Variants in ADAMTSL1 observed in about 807,000 individuals in gnomAD.
The protein encoded by ADAMTSL1 is ADAMTS like 1.
Under a neutral mutation model 201.8 loss-of-function variants are expected in ADAMTSL1, and 126 were observed. That is an observed-to-expected ratio of 0.62 (90% CI 0.54 to 0.72). ADAMTSL1 has a LOEUF of 0.72. Among genes scored for constraint, ADAMTSL1 ranks in the 30% least tolerant of loss-of-function variants. The pLI is 0.00. For synonymous variants in ADAMTSL1, 1,121 were observed against 903.4 expected (o/e 1.24, Z -4.32); for missense variants, 2,679 against 2,277.8 (o/e 1.18, Z -3.59).
chr9:18,511,391 T>C (rs919090678), intron 2 of ADAMTSL1, among the ~76,000 whole-genome samples: 4 of 151,970 alleles, frequency 2.6e-5, no homozygotes, highest in Non-Finnish European at 1.5e-5. Context: ...GATCTTCTTA[T>C]GAAGGATGGC....
chr9:18,590,341 C>A (rs1227364537), intron 4 of ADAMTSL1, among the ~76,000 whole-genome samples: 1 of 151,982 alleles, frequency 6.6e-6, no homozygotes, highest in Non-Finnish European at 1.5e-5. Flanking sequence ...ACTTATATTT[C>A]TATGGTGTCA....
intron 1 of ADAMTSL1, among the ~76,000 whole-genome samples, chr9:18,087,690 A>T (rs992235895): frequency 1.3e-5 from 2 of 152,156 alleles, no homozygotes; most frequent in African/African-American, 4.8e-5. Context: ...GAAATAATGG[A>T]TATTTAAATA....
intron 1 of ADAMTSL1, among the ~76,000 whole-genome samples, chr9:17,935,231 G>A (rs1293072216): frequency 2.0e-5 from 3 of 151,928 alleles, no homozygotes; most frequent in African/African-American, 7.2e-5. Context: ...GTCTTTGATT[G>A]TGCGGCCTCC....
intron 2 of ADAMTSL1, among the ~76,000 whole-genome samples, chr9:18,428,434 C>CAAAAAAA (rs368935296): frequency 3.3e-5 from 4 of 119,466 alleles, no homozygotes; most frequent in Admixed American, 9.0e-5. Flanking sequence ...CCTATGTCTA[C>CAAAAAAA]AAAAAAAAAA....
Position 18,461,260 on chromosome 9 carries a change from G to T in ADAMTSL1, c.208-43569G>T, listed in dbSNP as rs115912131. On this transcript the variant is annotated intron_variant, in intron 2 of 29. Coordinates refer to the ADAMTSL1 transcript ENST00000680146. Reference sequence around the variant, plus strand: ...TATATTTTAATCAAAATATGTTATTGTTGATAGGAATATTTCATGTGCATC... The same window carrying T: ...TATATTTTAATCAAAATATGTTATTTTTGATAGGAATATTTCATGTGCATC... Among the ~76,000 whole-genome samples the T allele has an allele frequency of 9.5e-3, 1,445 of 152,186 alleles. 25 individuals are homozygous for T. Among genetic ancestry groups the T allele is most frequent in the African/African-American group, 0.033 (1,367 of 41,526 alleles).
chr9:18,169,313 G>A (rs1198800223), intron 2 of ADAMTSL1, among the ~76,000 whole-genome samples: 3 of 151,854 alleles, frequency 2.0e-5, no homozygotes, highest in Admixed American at 6.6e-5. Context: ...TAAGGTGTAA[G>A]GAAGGGATCC....
At chr9:18,322,399 G>A (rs566045077) in intron 2 of ADAMTSL1, among the ~76,000 whole-genome samples, 3 of 152,282 alleles carry the variant, frequency 2.0e-5, no homozygotes, top group South Asian at 4.1e-4. Context: ...TTGGGAGGCC[G>A]AGGTGGGTGG....
intron 1 of ADAMTSL1, among the ~76,000 whole-genome samples, chr9:18,089,419 AAC>A (rs1823910086): frequency 6.6e-6 from 1 of 151,228 alleles, no homozygotes; most frequent in African/African-American, 2.4e-5. Flanking sequence ...GAACAATGAG[AAC>A]ACATGGACAC....
At chr9:18,350,497 A>G (rs2133022600) in intron 2 of ADAMTSL1, among the ~76,000 whole-genome samples, 1 of 148,194 alleles carries the variant, frequency 6.7e-6, no homozygotes, top group East Asian at 2.1e-4. Context: ...TGAGAAGGGA[A>G]AGGAGCAAGG....
intron 15 of ADAMTSL1, among the ~76,000 whole-genome samples, chr9:18,733,227 C>G (rs151247724): frequency 1.3e-5 from 2 of 152,302 alleles, no homozygotes; most frequent in Non-Finnish European, 2.9e-5. Context: ...TAGTAAACTT[C>G]ACAAGTTAAC....
At chr9:18,672,898 C>T (rs1035214944) in intron 9 of ADAMTSL1, among the ~76,000 whole-genome samples, 1 of 152,022 alleles carries the variant, frequency 6.6e-6, no homozygotes, top group African/African-American at 2.4e-5. Flanking sequence ...TCTCTTCTTA[C>T]CACCACAACC....
At chr9:18,480,970 G>A (rs1026867630) in intron 1 of ADAMTSL1, among the ~76,000 whole-genome samples, 5 of 152,124 alleles carry the variant, frequency 3.3e-5, no homozygotes, top group Admixed American at 6.5e-5. Context: ...ATCAAACAGT[G>A]AGGCCAAGAA....
At chr9:18,420,969 A>T (rs1818918456) in intron 2 of ADAMTSL1, among the ~76,000 whole-genome samples, 1 of 152,174 alleles carries the variant, frequency 6.6e-6, no homozygotes, top group Non-Finnish European at 1.5e-5. Flanking sequence ...TCATAGGAGA[A>T]GGAACGGAGG....
chr9:18,879,357 C>A (rs986504187), intron 23 of ADAMTSL1, among the ~76,000 whole-genome samples: 10 of 152,178 alleles, frequency 6.6e-5, no homozygotes, highest in African/African-American at 2.4e-4. Context: ...ATCTGTGTAA[C>A]TAACCTTCAC....
At chr9:18,170,271 A>T (rs1455637741) in intron 2 of ADAMTSL1, among the ~76,000 whole-genome samples, 3 of 152,014 alleles carry the variant, frequency 2.0e-5, no homozygotes, top group Non-Finnish European at 4.4e-5. Flanking sequence ...TCATTTCTAC[A>T]TTTTTATGGA....
chr9:18,547,362 T>A (rs1820527892), intron 3 of ADAMTSL1, among the ~76,000 whole-genome samples: 1 of 151,974 alleles, frequency 6.6e-6, no homozygotes, highest in Non-Finnish European at 1.5e-5. Context: ...TATAAAATGA[T>A]AAAACCAGTG....
chr9:17,996,104 C>G (rs996190700), intron 1 of ADAMTSL1, among the ~76,000 whole-genome samples: 5 of 151,898 alleles, frequency 3.3e-5, no homozygotes, highest in Admixed American at 6.6e-5. Context: ...TGTGGATAAA[C>G]TTGTCTCATC....
intron 2 of ADAMTSL1, among the ~76,000 whole-genome samples, chr9:18,423,582 T>C (rs1397327963): frequency 1.3e-5 from 2 of 152,164 alleles, no homozygotes; most frequent in Non-Finnish European, 2.9e-5. Flanking sequence ...GGGATGCAGC[T>C]CCTTAAGTAC....
intron 1 of ADAMTSL1, among the ~76,000 whole-genome samples, chr9:17,933,892 A>G (rs1278776086): frequency 6.6e-6 from 1 of 152,092 alleles, no homozygotes; most frequent in Non-Finnish European, 1.5e-5. Context: ...CACAAATCCA[A>G]ACTGCATCAA....
Sources: gnomAD v4.1 joint callset for allele counts (sites outside exome capture counted in the v4.1 genomes callset) on GRCh38, gnomAD v4.1.1 for gene constraint, MANE v1.5 for transcripts, NCBI Gene and HGNC (gene_info 2026-07-23, HGNC 2026-07-21) for gene names.